ICMT: variants seen among roughly 807,000 people sequenced by gnomAD.
The protein encoded by ICMT is isoprenylcysteine carboxyl methyltransferase, also known as protein-S-isoprenylcysteine O-methyltransferase.
Under a neutral mutation model 32.2 loss-of-function variants are expected in ICMT, and 10 were observed. The observed-to-expected ratio is 0.31, with a 90% CI of 0.19 to 0.53. The LOEUF is 0.53. Among genes scored for constraint, ICMT ranks in the 20% least tolerant of loss-of-function variants. ICMT has a pLI of 0.96. For missense variants in ICMT, 265 were observed against 356.9 expected (o/e 0.74, Z 2.07); for synonymous variants, 183 against 158.2 (o/e 1.16, Z -1.18).
At position 6,235,812 on chromosome 1, in the gene ICMT, T is replaced by C. The variant is rs1668817304; in HGVS notation, c.100A>G (p.Thr34Ala). 7.6e-7 allele frequency: 1 copy of C among 1,320,034 alleles called. No individual in the cohort carries two copies. The highest frequency in any genetic ancestry group is 9.8e-7 in the Non-Finnish European group (1 of 1,025,362). The allele number at this position is 1,320,034 out of a possible 1,614,324, so 81.8% of individuals were successfully genotyped here. ...GTGCGGCCCTGCAGGCCGGCGCGCG[T>C]GAGCAGCGGCAGCGCGAGCACCGAG... ...GASVLALPLLTRAGLQGRTGL... is the reference protein window; with the variant it reads ...GASVLALPLLARAGLQGRTGL... Residue 34 changes from threonine to alanine, a missense_variant, in exon 1 of 5, where the codon ACG becomes GCG. Thr to Ala is a moderately conservative substitution (Grantham distance 58). Around this residue, in one of 2 missense-constraint regions of ICMT, gnomAD observed 99 missense variants for 92.6 expected, o/e 1.07. Coordinates refer to ENST00000343813, the MANE Select transcript of ICMT (RefSeq NM_012405.4).
At chr1:6,232,265 A>C (rs539053266) in intron 3 of ICMT, 146 bp from the exon 4 acceptor site, 1 of 608,528 alleles carries the variant, frequency 1.6e-6, no homozygotes, top group Non-Finnish European at 2.9e-6. Context: ...TCACATTAAA[A>C]TTTCATAAGA....
intron 4 of ICMT, among the ~76,000 whole-genome samples, chr1:6,229,783 T>TAC (rs34741419): frequency 0.043 from 6,309 of 146,620 alleles, 161 homozygotes; most frequent in African/African-American, 0.066. Flanking sequence ...ATAAAAAAAA[T>TAC]ACACACACAC....
rs748141657 is a variant in ICMT, at chr1:6,221,733, G to C, written c.*3347C>G. 6.6e-6 allele frequency: 1 copy of C among 152,286 alleles called. No homozygotes were observed. The allele number at this position is 152,286 out of a possible 1,614,324, so 9.4% of individuals were successfully genotyped here. On this transcript the variant is annotated 3_prime_UTR_variant, in exon 5 of 5. Transcript: ENST00000343813. ...ACTTTTTAGGCTCAAGGAGCAGCTC[G>C]TGAAGGGGTGGCAGGTGCGCTGCTG...
intron 4 of ICMT, among the ~76,000 whole-genome samples, chr1:6,226,392 T>C (rs968892206): frequency 2.6e-5 from 4 of 151,958 alleles, no homozygotes; most frequent in Non-Finnish European, 5.9e-5. Flanking sequence ...AAACTCCCTC[T>C]CAAAAAAAAC....
chr1:6,225,303 G>A lies in ICMT; in HGVS notation c.673-41C>T, dbSNP rs149108735. 43 of 1,583,302 alleles carry A rather than the reference G, an allele frequency of 2.7e-5. No individual in the cohort carries two copies. In the Middle Eastern group the frequency reaches 6.5e-4, roughly 24 times the overall value. On this transcript the variant is annotated intron_variant, in intron 4 of 4. Transcript: ENST00000343813. Reference sequence around the variant, plus strand: ...ACCAGGCTCATCAGGGTGACCGTGGGATGACGCCCTGTGCTTTGGTAGGCG... The same window carrying A: ...ACCAGGCTCATCAGGGTGACCGTGGAATGACGCCCTGTGCTTTGGTAGGCG...
intron 3 of ICMT, among the ~76,000 whole-genome samples, 167 bp downstream of exon 3, chr1:6,233,307 G>A (rs999195277): frequency 6.6e-6 from 1 of 152,290 alleles, no homozygotes; most frequent in African/African-American, 2.4e-5. Flanking sequence ...TCCAGAGGCA[G>A]AATTCATGAG....
At position 6,234,916 on chromosome 1, in the gene ICMT, A is replaced by C; in HGVS notation, c.254T>G (p.Phe85Cys). The C allele has an allele frequency of 6.2e-7, 1 of 1,614,084 alleles. No individual in the cohort carries two copies. ...FVFGCGTLLS[F>C]SQSSWSHFGW... is the part of the protein sequence containing the mutation. ...AAAGTGACTCCAAGAAGACTGGCTA[A>C]AACTTAGCAGCGTGCCGCAGCCGAA... The change falls in exon 2 of 5, where the codon TTT becomes TGT. Residue 85 changes from phenylalanine (F) to cysteine (C), a missense_variant. Phe to Cys is a radical substitution (Grantham distance 205). Transcript: ENST00000343813.
chr1:6,225,656 T>C (rs1489104611), intron 4 of ICMT, among the ~76,000 whole-genome samples: 1 of 151,778 alleles, frequency 6.6e-6, no homozygotes, highest in South Asian at 2.1e-4. Context: ...GGCCTCTGCC[T>C]CCTAAACCCA....
In ICMT at chr1:6,231,056, A is replaced by C. The variant is rs189598668; in HGVS notation, c.672+846T>G. Reference sequence around the variant, plus strand: ...TCTCTACAAAAAAAATACGAAAAGTAGTCAGGCATGGTGGTTCGTGCCTAC... The same window carrying C: ...TCTCTACAAAAAAAATACGAAAAGTCGTCAGGCATGGTGGTTCGTGCCTAC... On this transcript the variant is annotated intron_variant, in intron 4 of 4. Transcript: ENST00000343813. Among the ~76,000 whole-genome samples, 748 of 152,078 alleles carry C rather than the reference A, an allele frequency of 4.9e-3. 5 individuals carry two copies. The highest frequency in any genetic ancestry group is 0.01 in the Admixed American group (158 of 15,264).
intron 3 of ICMT, among the ~76,000 whole-genome samples, chr1:6,232,997 A>T (rs1668761062): frequency 6.6e-6 from 1 of 151,632 alleles, no homozygotes; most frequent in Admixed American, 6.6e-5. Flanking sequence ...AGCTGGGATT[A>T]CAGGCATGTG....
In ICMT at chr1:6,225,008, G is replaced by T; in HGVS notation, c.*72C>A. ...CGATTAAGAAAATCCATGTGGCAGC[G>T]GCCAACCGGAAACAGTTTTGTCCCA... is the stretch of plus-strand genomic sequence containing the variant. On this transcript the variant is annotated 3_prime_UTR_variant, in exon 5 of 5. Transcript: ENST00000343813. 7.7e-7 allele frequency: 1 copy of T among 1,297,738 alleles called. No individual in the cohort carries two copies. The highest frequency in any genetic ancestry group is 1.1e-6 in the Non-Finnish European group (1 of 930,620). 80.4% of individuals were successfully genotyped at this position (1,297,738 alleles called of 1,614,324 possible).
Position 6,231,917 on chromosome 1 carries a change from C to G in ICMT, c.657G>C (p.Trp219Cys). The G allele has an allele frequency of 1.9e-6, 3 of 1,585,058 alleles. No homozygotes were observed. Among genetic ancestry groups the G allele is most frequent in the East Asian group, 2.3e-5 (1 of 44,388 alleles). The change falls in exon 4 of 5, where the codon TGG (tryptophan) becomes TGC (cysteine). Residue 219 changes from tryptophan to cysteine, a missense_variant. Trp to Cys is a radical substitution (Grantham distance 215). Coordinates refer to ENST00000343813, the MANE Select transcript of ICMT (RefSeq NM_012405.4). ...AATATTATACCTGAGTTCCAATACT[C>G]CAGTAAAACCACCCGACGTAAGAAG... ...RHPSYVGWFY[W>C]SIGTQVMLCN... is the part of the protein sequence containing the mutation.
chr1:6,233,086 C>T (rs201838707), intron 3 of ICMT, among the ~76,000 whole-genome samples: 1 of 151,730 alleles, frequency 6.6e-6, no homozygotes, highest in African/African-American at 2.4e-5. Flanking sequence ...GAACTCCTGA[C>T]CTTGTGATCC....
In ICMT at chr1:6,222,587, T is replaced by C. The variant is rs1005936038; in HGVS notation, c.*2493A>G. On this transcript the variant is annotated 3_prime_UTR_variant, in exon 5 of 5. Coordinates refer to ENST00000343813, the MANE Select transcript of ICMT (RefSeq NM_012405.4). ...AAGTTTTCCCTGGTGTCAGACAGCA[T>C]TTCACCATGAAACCCTAAGACCTGC... The C allele has an allele frequency of 8.5e-5, 13 of 152,366 alleles. No homozygotes were observed. The highest frequency in any genetic ancestry group is 3.1e-4 in the African/African-American group (13 of 41,582). 9.4% of individuals were successfully genotyped at this position (152,366 alleles called of 1,614,324 possible). A position where few individuals can be genotyped will look rare whatever the true frequency, so the allele number is the denominator to read the frequency against.
chr1:6,233,677 C>T (rs777266819), intron 2 of ICMT, 34 bp from the exon 3 acceptor site: 2 of 1,575,354 alleles, frequency 1.3e-6, no homozygotes, highest in Non-Finnish European at 1.7e-6. Context: ...TAAGTTGGGA[C>T]AAGAGAACCA....
intron 4 of ICMT, among the ~76,000 whole-genome samples, chr1:6,226,513 A>T (rs1668647751): frequency 6.6e-6 from 1 of 152,050 alleles, no homozygotes; most frequent in East Asian, 1.9e-4. Flanking sequence ...TCCCCTGTGG[A>T]TGTGCATCTT....
At chr1:6,235,691 C>G in intron 1 of ICMT, 26 bp downstream of exon 1, 1 of 1,164,618 alleles carries the variant, frequency 8.6e-7, no homozygotes, top group African/African-American at 1.6e-5. Flanking sequence ...CCCCGCCGGC[C>G]CCCGCCGGCC....
At chr1:6,229,516 A>AGGTGT (rs1668697781) in intron 4 of ICMT, among the ~76,000 whole-genome samples, 1 of 151,400 alleles carries the variant, frequency 6.6e-6, no homozygotes, top group South Asian at 2.1e-4. Context: ...AAAATTAGCC[A>AGGTGT]GGTGTGATGA....
chr1:6,227,084 G>T (rs1352655061), intron 4 of ICMT, among the ~76,000 whole-genome samples: 1 of 152,224 alleles, frequency 6.6e-6, no homozygotes, highest in Admixed American at 6.5e-5. Context: ...GAAATAATAA[G>T]ATAGAAAACA....
Sources: allele counts gnomAD v4.1 joint callset (sites outside exome capture counted in the v4.1 genomes callset), GRCh38; gene constraint gnomAD v4.1.1; regional missense constraint gnomAD v4.1.1; transcripts MANE v1.5; gene names NCBI Gene and HGNC (gene_info 2026-07-23, HGNC 2026-07-21).